Variants in NAV2 observed in about 807,000 individuals in gnomAD.
NAV2 encodes the protein neuron navigator 2, also known as helicase, APC down-regulated 1.
NAV2 carries 54 observed loss-of-function variants against 223.2 expected under a neutral mutation model. The ratio of observed to expected loss-of-function variants is 0.24; its 90% CI spans 0.19 to 0.30. NAV2 has a LOEUF of 0.30. NAV2 is among the 10% of genes least tolerant of loss of function. The probability of loss-of-function intolerance (pLI) is 1.00; values close to 1 mark genes in which losing one functional copy is unlikely to be tolerated. For synonymous variants in NAV2, 1,279 were observed against 1,239.3 expected (o/e 1.03, Z -0.67); for missense variants, 2,806 against 3,147.5 (o/e 0.89, Z 2.60).
intron 1 of NAV2, among the ~76,000 whole-genome samples, chr11:19,370,597 G>A (rs1848435940): frequency 6.6e-6 from 1 of 152,258 alleles, no homozygotes; most frequent in South Asian, 2.1e-4. Context: ...ATTTAGGAAA[G>A]GAGGAAGCAA....
At chr11:20,001,159 G>A (rs527277098) in intron 11 of NAV2, among the ~76,000 whole-genome samples, 6 of 152,206 alleles carry the variant, frequency 3.9e-5, no homozygotes, top group Admixed American at 3.3e-4. Context: ...AAACCTCCAT[G>A]CCTTTGCCCC....
chr11:19,765,749 C>G (rs1233662668), intron 1 of NAV2, among the ~76,000 whole-genome samples: 1 of 148,452 alleles, frequency 6.7e-6, no homozygotes, highest in African/African-American at 2.6e-5. Flanking sequence ...TGTTCCCTCT[C>G]CCCGCAACAT....
intron 10 of NAV2, among the ~76,000 whole-genome samples, chr11:19,982,901 T>G (rs1435153106): frequency 6.6e-6 from 1 of 152,212 alleles, no homozygotes; most frequent in Non-Finnish European, 1.5e-5. Context: ...CGACTCCATA[T>G]ATGCAAAAGT....
chr11:19,578,358 C>G (rs2045626161), intron 1 of NAV2, among the ~76,000 whole-genome samples: 1 of 152,232 alleles, frequency 6.6e-6, no homozygotes, highest in Admixed American at 6.5e-5. Flanking sequence ...CTCTTGGCCA[C>G]AGTCAGAGGT....
chr11:19,683,881 A>T (rs891058505), intron 1 of NAV2, among the ~76,000 whole-genome samples: 4 of 152,252 alleles, frequency 2.6e-5, no homozygotes, highest in South Asian at 2.1e-4. Context: ...ATTAAGTTTT[A>T]AAAAATGACC....
chr11:20,026,950 A>C (rs2055146306), intron 11 of NAV2, among the ~76,000 whole-genome samples: 1 of 152,252 alleles, frequency 6.6e-6, no homozygotes, highest in South Asian at 2.1e-4. Context: ...GATTATTTTT[A>C]TCAGAGTTTG....
At chr11:19,578,373 C>T (rs2045626627) in intron 1 of NAV2, among the ~76,000 whole-genome samples, 1 of 152,216 alleles carries the variant, frequency 6.6e-6, no homozygotes, top group Non-Finnish European at 1.5e-5. Context: ...AGAGGTTAAG[C>T]CAGGCAGTTG....
chr11:19,623,905 A>G (rs550512417), intron 1 of NAV2, among the ~76,000 whole-genome samples: 2 of 152,124 alleles, frequency 1.3e-5, no homozygotes, highest in Middle Eastern at 3.4e-3. Flanking sequence ...GGTTTTATCT[A>G]CCTTTGGTCT....
chr11:19,798,878 T>G (rs2058072190), intron 1 of NAV2, among the ~76,000 whole-genome samples: 1 of 152,206 alleles, frequency 6.6e-6, no homozygotes, highest in Non-Finnish European at 1.5e-5. Context: ...ATCTATGGAC[T>G]CTTGGAAACA....
chr11:19,883,914 C>A (rs1451757073), intron 5 of NAV2, among the ~76,000 whole-genome samples: 1 of 152,126 alleles, frequency 6.6e-6, no homozygotes, highest in African/African-American at 2.4e-5. Flanking sequence ...CTGAAAAGCA[C>A]CCCAGTAGAA....
intron 6 of NAV2, among the ~76,000 whole-genome samples, chr11:19,918,549 G>T (rs2044000495): frequency 6.6e-6 from 1 of 152,158 alleles, no homozygotes; most frequent in African/African-American, 2.4e-5. Flanking sequence ...ACAACATTCT[G>T]GTTGAGTTAT....
intron 1 of NAV2, among the ~76,000 whole-genome samples, chr11:19,510,246 G>T (rs561569240): frequency 6.6e-6 from 1 of 152,280 alleles, no homozygotes; most frequent in East Asian, 1.9e-4. Flanking sequence ...CACATTAAGT[G>T]TGTGAAGTCA....
chr11:19,820,469 A>C (rs1240135791), intron 1 of NAV2, among the ~76,000 whole-genome samples: 2 of 152,190 alleles, frequency 1.3e-5, no homozygotes, highest in African/African-American at 2.4e-5. Context: ...GAGTGGGAGG[A>C]AGTGCTGTAG....
At chr11:19,859,760 G>A (rs1230757373) in intron 3 of NAV2, among the ~76,000 whole-genome samples, 8 of 136,250 alleles carry the variant, frequency 5.9e-5, no homozygotes, top group East Asian at 4.8e-4. Context: ...GCGGCTGGCC[G>A]GGTGGGGGGC....
At chr11:19,803,395 G>C (rs569880877) in intron 1 of NAV2, among the ~76,000 whole-genome samples, 1 of 152,282 alleles carries the variant, frequency 6.6e-6, no homozygotes, top group African/African-American at 2.4e-5. Flanking sequence ...AGGTTACCTT[G>C]GGGGCCAAGA....
intron 3 of NAV2, among the ~76,000 whole-genome samples, chr11:19,853,060 A>G (rs1031146118): frequency 2.6e-5 from 4 of 152,216 alleles, no homozygotes; most frequent in Admixed American, 2.6e-4. Flanking sequence ...TAAAGCCTCC[A>G]ATAGCCGTGT....
At chr11:19,714,322 A>G in intron 1 of NAV2, 1 of 513,500 alleles carries the variant, frequency 1.9e-6, no homozygotes, top group Non-Finnish European at 3.8e-6. Context: ...TATCCGCAGC[A>G]GCAGCTGTGT....
chr11:19,671,595 C>G lies in NAV2; in HGVS notation c.76-160889C>G, dbSNP rs187117399. Among the ~76,000 whole-genome samples the G allele has an allele frequency of 9.6e-4, 147 of 152,340 alleles. 1 individual carries two copies. The highest frequency in any genetic ancestry group is 3.5e-3 in the African/African-American group (145 of 41,580). ...ACTTGTCCCCTTAGCTCCTCTGCCC[C>G]ACCTGTTTCCTGCACAAGACTGAGT... On this transcript the variant is annotated intron_variant, in intron 1 of 37. Transcript: ENST00000360655.
intron 1 of NAV2, among the ~76,000 whole-genome samples, chr11:19,612,568 A>T (rs752415389): frequency 2.0e-5 from 3 of 152,196 alleles, no homozygotes; most frequent in Non-Finnish European, 4.4e-5. Flanking sequence ...AAGTTCCACG[A>T]ATCTCTAGGG....
Sources: allele counts gnomAD v4.1 joint callset (sites outside exome capture counted in the v4.1 genomes callset), GRCh38; gene constraint gnomAD v4.1.1; transcripts MANE v1.5; gene names NCBI Gene and HGNC (gene_info 2026-07-23, HGNC 2026-07-21).